Variants in TMEM131L observed in about 807,000 individuals in gnomAD.
TMEM131L encodes transmembrane protein 131-like.
In TMEM131L, 54 loss-of-function variants were observed where a neutral mutation model predicts 192.2. The observed-to-expected ratio is 0.28, with a 90% CI of 0.23 to 0.35. The LOEUF is 0.35. TMEM131L is among the 10% of genes least tolerant of loss of function. The probability of loss-of-function intolerance (pLI) is 1.00; values close to 1 mark genes in which losing one functional copy is unlikely to be tolerated. For synonymous variants in TMEM131L, 701 were observed against 704.9 expected (o/e 0.99, Z 0.09); for missense variants, 1,888 against 1,972.9 (o/e 0.96, Z 0.82).
chr4:153,467,614 A>G (rs765554806), intron 2 of TMEM131L, among the ~76,000 whole-genome samples: 1 of 152,182 alleles, frequency 6.6e-6, no homozygotes, highest in Non-Finnish European at 1.5e-5. Flanking sequence ...GTGGATGGCA[A>G]GTGGCTAAGA....
chr4:153,553,498 A>T (rs570136178), intron 4 of TMEM131L, among the ~76,000 whole-genome samples: 10 of 151,614 alleles, frequency 6.6e-5, no homozygotes, highest in Middle Eastern at 3.4e-3. Context: ...AGCCTAAATT[A>T]GAACACATTT....
chr4:153,543,152 G>A (rs940863993), intron 3 of TMEM131L, among the ~76,000 whole-genome samples: 2 of 152,158 alleles, frequency 1.3e-5, no homozygotes, highest in South Asian at 2.1e-4. Flanking sequence ...AAGAAACTAG[G>A]AAAATCATGT....
At chr4:153,580,977 G>A (rs914511025) in intron 8 of TMEM131L, 74 bp downstream of exon 8, 1 of 1,079,286 alleles carries the variant, frequency 9.3e-7, no homozygotes, top group African/African-American at 1.6e-5. Flanking sequence ...CACAAGGCTG[G>A]GCGCTGTGGC....
rs750541869 is a variant in TMEM131L, at chr4:153,604,378, C to T, written c.3366C>T (p.Asn1122=). The change falls in exon 25 of 35, where the codon AAC becomes AAT. Residue 1122 remains asparagine, a synonymous_variant. Transcript: ENST00000409959. The stretch of plus-strand genomic sequence containing the variant: ...TACCTGAAAACCATTTACCAAGAAA[C>T]TCACCTCAGTACCACCAGCCAGACT... ...KKLPENHLPR[N]SPQYHQPDLP... is the part of the protein sequence containing the mutation. 1.4e-5 allele frequency: 22 copies of T among 1,613,104 alleles called. No homozygotes were observed. In the South Asian group the frequency reaches 2.2e-4, roughly 16 times the overall value.
rs201094081 is a variant in TMEM131L at position 153,598,573 on chromosome 4, A to G, written c.2124-17A>G. On this transcript the variant is annotated splice_polypyrimidine_tract_variant and intron_variant, in intron 20 of 34. Transcript: ENST00000409959. ...CTCCATGTAATGCCTTTTTATATCT[A>G]TTTCCTTTCACTACAGGAATAACTT... 84 of 1,607,526 alleles carry G rather than the reference A, an allele frequency of 5.2e-5. No individual in the cohort carries two copies. In the East Asian group the frequency reaches 1.8e-3, roughly 34 times the overall value.
intron 3 of TMEM131L, among the ~76,000 whole-genome samples, chr4:153,494,207 G>T (rs1308746326): frequency 6.6e-6 from 1 of 152,084 alleles, no homozygotes; most frequent in African/African-American, 2.4e-5. Flanking sequence ...ATTTGTAGTT[G>T]GCATCGCATA....
chr4:153,480,110 C>T (rs536296501), intron 3 of TMEM131L, among the ~76,000 whole-genome samples: 5 of 152,150 alleles, frequency 3.3e-5, no homozygotes, highest in Non-Finnish European at 7.4e-5. Context: ...GAGGCTGAGG[C>T]GGGCAGATCA....
intron 25 of TMEM131L, among the ~76,000 whole-genome samples, chr4:153,608,225 TCTCAATAGA>T (rs1313558971): frequency 6.6e-6 from 1 of 152,220 alleles, no homozygotes; most frequent in Non-Finnish European, 1.5e-5. Context: ...TAATTAAAAT[TCTCAATAGA>T]AATAAAGTCT....
At chr4:153,543,162 T>C (rs983830469) in intron 3 of TMEM131L, among the ~76,000 whole-genome samples, 1 of 152,180 alleles carries the variant, frequency 6.6e-6, no homozygotes, top group Non-Finnish European at 1.5e-5. Flanking sequence ...GAAAATCATG[T>C]CCTACCAAAA....
At chr4:153,569,716 T>C (rs1729455807) in intron 7 of TMEM131L, among the ~76,000 whole-genome samples, 1 of 152,354 alleles carries the variant, frequency 6.6e-6, no homozygotes, top group Admixed American at 6.5e-5. Flanking sequence ...AAATATGTAA[T>C]AATAGCCCTT....
chr4:153,532,173 TAGTC>T (rs1735947358), intron 3 of TMEM131L, among the ~76,000 whole-genome samples: 2 of 152,228 alleles, frequency 1.3e-5, no homozygotes, highest in Non-Finnish European at 2.9e-5. Flanking sequence ...ACTTGGATAA[TAGTC>T]AGGAATTAAC....
intron 8 of TMEM131L, among the ~76,000 whole-genome samples, chr4:153,581,178 T>C (rs965056618): frequency 1.1e-4 from 16 of 152,106 alleles, no homozygotes; most frequent in Non-Finnish European, 2.1e-4. Context: ...GGCGTGAACC[T>C]GGGAGGCGGA....
At chr4:153,610,402 T>G (rs771693819) in intron 25 of TMEM131L, among the ~76,000 whole-genome samples, 2 of 152,242 alleles carry the variant, frequency 1.3e-5, no homozygotes, top group Non-Finnish European at 2.9e-5. Context: ...TTATTTTATT[T>G]ATGTAATGAG....
At chr4:153,572,746 C>T (rs994097100) in intron 7 of TMEM131L, among the ~76,000 whole-genome samples, 4 of 152,172 alleles carry the variant, frequency 2.6e-5, no homozygotes, top group South Asian at 4.1e-4. Flanking sequence ...CATTTGTATG[C>T]GTACAGTTCA....
chr4:153,523,868 C>T (rs1054699392), intron 3 of TMEM131L, among the ~76,000 whole-genome samples: 6 of 152,198 alleles, frequency 3.9e-5, no homozygotes, highest in Admixed American at 6.5e-5. Flanking sequence ...GTACCCCATA[C>T]TCAGGGTGAT....
chr4:153,539,819 C>A (rs1736633085), intron 3 of TMEM131L, among the ~76,000 whole-genome samples: 1 of 146,258 alleles, frequency 6.8e-6, no homozygotes, highest in African/African-American at 2.6e-5. Flanking sequence ...AAAAAAAAAA[C>A]ACCTGTCAGG....
At chr4:153,487,712 G>A (rs969856921) in intron 3 of TMEM131L, among the ~76,000 whole-genome samples, 15 of 145,398 alleles carry the variant, frequency 1.0e-4, no homozygotes, top group Non-Finnish European at 1.8e-4. Context: ...GTGTGTGTGT[G>A]TGTGTGTGAG....
chr4:153,559,190 T>C (rs2150494828), intron 7 of TMEM131L, among the ~76,000 whole-genome samples: 1 of 152,312 alleles, frequency 6.6e-6, no homozygotes, highest in South Asian at 2.1e-4. Flanking sequence ...TACATTCCAG[T>C]TGGGGAGAAG....
intron 28 of TMEM131L, among the ~76,000 whole-genome samples, chr4:153,622,385 C>T (rs939422749): frequency 9.9e-5 from 15 of 152,184 alleles, no homozygotes; most frequent in African/African-American, 2.9e-4. Flanking sequence ...TTTCTCCAGA[C>T]GCATGCCCCA....
Sources: allele counts gnomAD v4.1 joint callset (sites outside exome capture counted in the v4.1 genomes callset), GRCh38; gene constraint gnomAD v4.1.1; transcripts MANE v1.5; gene names NCBI Gene and HGNC (gene_info 2026-07-23, HGNC 2026-07-21).